Variants in KIF26B observed in about 807,000 individuals in gnomAD.
KIF26B encodes kinesin family member 26B.
In KIF26B, 63 loss-of-function variants were observed where a neutral mutation model predicts 151.2. The ratio of observed to expected loss-of-function variants is 0.42; its 90% CI spans 0.34 to 0.51. The LOEUF is 0.51. Ranked by LOEUF, KIF26B falls within the 20% of genes least tolerant of loss-of-function variation. KIF26B has a pLI of 0.07. For synonymous variants in KIF26B, 1,357 were observed against 1,262.1 expected, an observed-to-expected ratio of 1.08 and a Z score of -1.59; for missense variants, 2,813 against 2,913.6, an observed-to-expected ratio of 0.97 and a Z score of 0.79.
intron 4 of KIF26B, among the ~76,000 whole-genome samples, chr1:245,467,884 TA>T (rs5782341): frequency 0.8 from 120,616 of 149,946 alleles, 48,493 homozygotes; most frequent in Middle Eastern, 0.85. Flanking sequence ...AACAGAGTCA[TA>T]AAAAAAAAAA....
At chr1:245,468,675 TAG>T (rs112739819) in intron 4 of KIF26B, among the ~76,000 whole-genome samples, 23,146 of 147,204 alleles carry the variant, frequency 0.16, 1,957 homozygotes, top group East Asian at 0.32. Context: ...ACTTACATCT[TAG>T]AGAGAGAGAG....
At chr1:245,243,441 T>TACACAC (rs762132705) in intron 2 of KIF26B, among the ~76,000 whole-genome samples, 1,089 of 34,514 alleles carry the variant, frequency 0.032, 12 homozygotes, top group Admixed American at 0.061. Flanking sequence ...CATACATATA[T>TACACAC]ATATATACAC....
At chr1:245,522,325 C>T (rs1661146201) in intron 4 of KIF26B, among the ~76,000 whole-genome samples, 1 of 150,860 alleles carries the variant, frequency 6.6e-6, no homozygotes, top group Admixed American at 6.7e-5. Flanking sequence ...AGATGTGGGC[C>T]AGCTGTGTTA....
In KIF26B at chr1:245,218,791, CT is replaced by C. The variant is rs953692345; in HGVS notation, c.465+62113del. The stretch of plus-strand genomic sequence containing the variant: ...CTATGAATTAATAAACAGGATGAGC[CT>C]TTTTAAAAAAGGGAGCTTGGGGCAG... On this transcript the variant is annotated intron_variant, in intron 2 of 14. Coordinates refer to ENST00000407071, the MANE Select transcript of KIF26B (RefSeq NM_018012.4). The surrounding 1 kb of genome is among the most constrained non-coding windows in gnomAD (Gnocchi z 4.1). Among the ~76,000 whole-genome samples, 2 of 152,076 alleles carry C rather than the reference CT, an allele frequency of 1.3e-5. No homozygotes were observed. The highest frequency in any genetic ancestry group is 6.5e-5 in the Admixed American group (1 of 15,278).
chr1:245,184,209 G>A (rs1159372656), intron 2 of KIF26B, among the ~76,000 whole-genome samples: 1 of 151,628 alleles, frequency 6.6e-6, no homozygotes, highest in Non-Finnish European at 1.5e-5. Flanking sequence ...GAAGTCACTG[G>A]ATGGAATGAA....
At chr1:245,307,256 C>T (rs1444931753) in intron 2 of KIF26B, among the ~76,000 whole-genome samples, 1 of 152,180 alleles carries the variant, frequency 6.6e-6, no homozygotes, top group Non-Finnish European at 1.5e-5. Context: ...AAAACCGTCT[C>T]ATATGCCGGA....
chr1:245,522,956 C>T (rs761953987), intron 4 of KIF26B, among the ~76,000 whole-genome samples: 15 of 152,108 alleles, frequency 9.9e-5, no homozygotes, highest in Non-Finnish European at 1.9e-4. Context: ...TTTATTTTAA[C>T]AATAATGGGA....
intron 3 of KIF26B, among the ~76,000 whole-genome samples, chr1:245,401,397 T>A (rs1179527945): frequency 6.6e-6 from 1 of 152,222 alleles, no homozygotes; most frequent in Admixed American, 6.5e-5. Flanking sequence ...TGTCTATAAC[T>A]GAATTTATGG....
At chr1:245,522,024 C>T (rs1405518344) in intron 4 of KIF26B, among the ~76,000 whole-genome samples, 7 of 151,698 alleles carry the variant, frequency 4.6e-5, no homozygotes, top group Middle Eastern at 3.2e-3. Flanking sequence ...CACCCGCCAC[C>T]ATGCCCGGCT....
intron 4 of KIF26B, among the ~76,000 whole-genome samples, chr1:245,434,754 C>G (rs968215068): frequency 3.9e-5 from 6 of 152,082 alleles, no homozygotes; most frequent in African/African-American, 1.4e-4. Context: ...TACTCTGTCT[C>G]CCATATTTCC....
chr1:245,451,585 C>CTTTTTTTTTTTTTTTTTTTTTTTTT (rs58192966), intron 4 of KIF26B, among the ~76,000 whole-genome samples: 1 of 58,754 alleles, frequency 1.7e-5, no homozygotes, highest in African/African-American at 7.1e-5. Flanking sequence ...GAAGATCTAT[C>CTTTTTTTTTTTTTTTTTTTTTTTTT]TTTTTTTTTT....
chr1:245,687,451 C>T lies in KIF26B; in HGVS notation c.4468C>T (p.Leu1490Phe), dbSNP rs1444525635. The T allele has an allele frequency of 6.3e-7, 1 of 1,589,100 alleles. No homozygotes were observed. The highest frequency in any genetic ancestry group is 1.3e-5 in the African/African-American group (1 of 74,604). ...QDGKPSPGDR[L>F]SSSSGEVSAS... ...CGGAAAGCCCAGTCCGGGAGACAGG[C>T]TCAGCAGCAGCAGCGGAGAGGTGTC... Residue 1490 changes from leucine (L) to phenylalanine (F), a missense_variant, in exon 12 of 15, where the codon CTC (leucine) becomes TTC (phenylalanine). Around this residue, in one of 3 missense-constraint regions of KIF26B, gnomAD observed 2,060 missense variants for 2,088.6 expected, o/e 0.99. Transcript: ENST00000407071. This position sits in a 1 kb window ranked among gnomAD's most constrained non-coding sequence, Gnocchi z 4.9.
In KIF26B at chr1:245,483,396, C is replaced by T. The variant is rs114142273; in HGVS notation, c.1167-57371C>T. The stretch of plus-strand genomic sequence containing the variant: ...ACCCAGCTGGGGTTGCAATCCAGGT[C>T]TGCCTGACCCCAGAGCTCCAGCTCT... On this transcript the variant is annotated intron_variant, in intron 4 of 14. Coordinates refer to ENST00000407071, the MANE Select transcript of KIF26B (RefSeq NM_018012.4). Among the ~76,000 whole-genome samples the T allele has an allele frequency of 6.8e-3, 1,027 of 151,948 alleles. 18 individuals are homozygous for T. Among genetic ancestry groups the T allele is most frequent in the African/African-American group, 0.024 (991 of 41,524 alleles).
intron 9 of KIF26B, among the ~76,000 whole-genome samples, chr1:245,635,557 A>C (rs907804661): frequency 2.0e-5 from 3 of 152,074 alleles, no homozygotes; most frequent in African/African-American, 7.2e-5. Context: ...GATCTTCTCA[A>C]AGAACCAACT....
Position 245,689,777 on chromosome 1 carries a change from C to T in KIF26B, c.5824+970C>T, listed in dbSNP as rs557224449. ...TTTACCATGTTGACCAGGCTGGTCT[C>T]GAACTCCTGACCTCAAGTGATCCGC... On this transcript the variant is annotated intron_variant, in intron 12 of 14. Coordinates refer to ENST00000407071, the MANE Select transcript of KIF26B (RefSeq NM_018012.4). 9.9e-5 allele frequency among the ~76,000 whole-genome samples: 15 copies of T among 152,248 alleles called. No individual in the cohort carries two copies. The South Asian group carries it at 2.5e-3, about 25-fold the overall frequency.
intron 4 of KIF26B, among the ~76,000 whole-genome samples, chr1:245,467,409 T>G (rs1463011654): frequency 1.3e-5 from 2 of 152,168 alleles, no homozygotes; most frequent in African/African-American, 4.8e-5. Flanking sequence ...GAGTTTGAGA[T>G]GAAAATCTGG....
chr1:245,274,804 T>C (rs915082831), intron 2 of KIF26B, among the ~76,000 whole-genome samples: 1 of 151,548 alleles, frequency 6.6e-6, no homozygotes, highest in Non-Finnish European at 1.5e-5. Flanking sequence ...GGAATCTTTA[T>C]AGTAGAATGA....
intron 2 of KIF26B, among the ~76,000 whole-genome samples, chr1:245,342,865 C>T (rs916660106): frequency 6.6e-6 from 1 of 152,060 alleles, no homozygotes; most frequent in Non-Finnish European, 1.5e-5. Context: ...GGTGGCAGAT[C>T]GCCTGAGGTC....
rs560130520 is a variant in KIF26B at position 245,687,351 on chromosome 1, T to C, written c.4368T>C (p.Asn1456=). 4 of 1,594,496 alleles carry C rather than the reference T, an allele frequency of 2.5e-6. No homozygotes were observed. In the Admixed American group the frequency reaches 5.3e-5, roughly 21 times the overall value. ...EEVKKETAHP[N]EEGMMRCETA... ...TGAAAAAAGAGACGGCTCATCCCAA[T>C]GAAGAAGGGATGATGAGGTGTGAGA... The change falls in exon 12 of 15, where the codon AAT becomes AAC. Residue 1456 remains asparagine (N), a synonymous_variant. Transcript: ENST00000407071. The surrounding 1 kb of genome is among the most constrained non-coding windows in gnomAD (Gnocchi z 4.9).
Sources: allele counts gnomAD v4.1 joint callset (sites outside exome capture counted in the v4.1 genomes callset), GRCh38; gene constraint gnomAD v4.1.1; regional missense constraint gnomAD v4.1.1; non-coding constraint Gnocchi (gnomAD v3.1); transcripts MANE v1.5; gene names NCBI Gene and HGNC (gene_info 2026-07-23, HGNC 2026-07-21).